The following TTLL6 variants were observed in gnomAD, a reference collection of about 807,000 sequenced individuals.
The protein encoded by TTLL6 is tubulin polyglutamylase TTLL6.
In TTLL6, 75 loss-of-function variants were observed where a neutral mutation model predicts 96.4. That is an observed-to-expected ratio of 0.78 (90% CI 0.65 to 0.94). TTLL6 has a LOEUF of 0.94. Ranked by LOEUF, TTLL6 falls within the 40% of genes least tolerant of loss-of-function variation. The probability of loss-of-function intolerance (pLI) is 0.00; values close to 1 mark genes in which losing one functional copy is unlikely to be tolerated. For missense variants in TTLL6, 1,030 were observed against 1,093.0 expected (o/e 0.94, Z 0.81); for synonymous variants, 411 against 419.4 (o/e 0.98, Z 0.24).
chr17:48,775,277 A>G (rs540931557), intron 13 of TTLL6, among the ~76,000 whole-genome samples: 1 of 152,162 alleles, frequency 6.6e-6, no homozygotes, highest in Admixed American at 6.5e-5. Context: ...AAAAAACACT[A>G]TAGACCAGTA....
intron 13 of TTLL6, among the ~76,000 whole-genome samples, chr17:48,777,231 T>G (rs547103123): frequency 6.6e-6 from 1 of 152,202 alleles, no homozygotes; most frequent in African/African-American, 2.4e-5. Flanking sequence ...TCATCTAACA[T>G]ACTTAAAAAT....
chr17:48,774,099 A>C (rs1290741173), intron 13 of TTLL6, among the ~76,000 whole-genome samples: 19 of 125,938 alleles, frequency 1.5e-4, no homozygotes, highest in Admixed American at 1.1e-3. Flanking sequence ...AACAAAACAA[A>C]AAAAAAAAAA....
At position 48,808,863 on chromosome 17, in the gene TTLL6, G is replaced by T. The variant is rs150000830; in HGVS notation, c.104-3872C>A. Reference sequence around the variant, plus strand: ...TGGGATTACAGGCGTAAGCCACCACGCCTGGCCCAAACTTGCTAATTCTAG... The same window carrying T: ...TGGGATTACAGGCGTAAGCCACCACTCCTGGCCCAAACTTGCTAATTCTAG... On this transcript the variant is annotated intron_variant, in intron 1 of 15. Transcript: ENST00000393382. Among the ~76,000 whole-genome samples, 1,286 of 152,234 alleles carry T rather than the reference G, an allele frequency of 8.4e-3. 26 individuals are homozygous for T. Among genetic ancestry groups the T allele is most frequent in the African/African-American group, 0.029 (1,219 of 41,548 alleles).
At position 48,778,854 on chromosome 17, in the gene TTLL6, C is replaced by T. The variant is rs142203204; in HGVS notation, c.2040+6069G>A. ...CTGAGGCAGGAGAATCGCTTGAACC[C>T]GGGAGGTAGAGGTTGCAGTGAGCTG... On this transcript the variant is annotated intron_variant, in intron 13 of 15. Coordinates refer to ENST00000393382, the MANE Select transcript of TTLL6 (RefSeq NM_001130918.3). 1.6e-3 allele frequency among the ~76,000 whole-genome samples: 234 copies of T among 149,832 alleles called. 3 individuals carry two copies. The South Asian group carries it at 0.021, about 14-fold the overall frequency.
intron 13 of TTLL6, among the ~76,000 whole-genome samples, chr17:48,778,328 G>A (rs1296240843): frequency 7.4e-6 from 1 of 135,270 alleles, no homozygotes; most frequent in Non-Finnish European, 1.6e-5. Context: ...AGAGAGGGAG[G>A]GAGGGAGAAA....
At chr17:48,814,339 A>AG (rs1050031967) in intron 1 of TTLL6, among the ~76,000 whole-genome samples, 5 of 151,558 alleles carry the variant, frequency 3.3e-5, no homozygotes, top group Admixed American at 1.3e-4. Flanking sequence ...AAAAAAAAAA[A>AG]AAGACTAAGA....
chr17:48,797,712 C>CG (rs1189929563), intron 6 of TTLL6, among the ~76,000 whole-genome samples: 1 of 148,118 alleles, frequency 6.8e-6, no homozygotes, highest in Non-Finnish European at 1.5e-5. Flanking sequence ...ACTTGAGCCC[C>CG]GGGGGGCAGA....
At chr17:48,766,503 T>C (rs2038609214) in intron 15 of TTLL6, among the ~76,000 whole-genome samples, 1 of 152,212 alleles carries the variant, frequency 6.6e-6, no homozygotes, top group African/African-American at 2.4e-5. Flanking sequence ...CTGATCATTA[T>C]TATTTCATTT....
At chr17:48,785,425 A>G in intron 12 of TTLL6, among the ~76,000 whole-genome samples, 1 of 152,038 alleles carries the variant, frequency 6.6e-6, no homozygotes, top group Non-Finnish European at 1.5e-5. Context: ...CAGTTTAAAA[A>G]CTGTGCATTG....
chr17:48,797,081 G>C lies in TTLL6; in HGVS notation c.892C>G (p.Arg298Gly). ...CTCACCAGGTTGTCTGTGCAAGGGC[G>C]GGAGTAAGAGGTCGTCGCAAAGCGG... is the stretch of plus-strand genomic sequence containing the variant. ...LARFATTSYS[R>G]PCTDNLDDIC... Residue 298 changes from arginine to glycine, a missense_variant, in exon 7 of 16, where the codon CGC (arginine) becomes GGC (glycine). Coordinates refer to ENST00000393382, the MANE Select transcript of TTLL6 (RefSeq NM_001130918.3). 1 of 1,551,428 alleles carries C rather than the reference G, an allele frequency of 6.4e-7. No individual in the cohort carries two copies. Among genetic ancestry groups the C allele is most frequent in the Non-Finnish European group, 8.7e-7 (1 of 1,146,932 alleles).
intron 2 of TTLL6, chr17:48,804,421 C>T (rs1276307627): frequency 4.0e-6 from 2 of 497,022 alleles, no homozygotes; most frequent in East Asian, 1.2e-4. Flanking sequence ...CCTGATAAGT[C>T]AGTATGGTGC....
At chr17:48,804,737 A>G in intron 2 of TTLL6, 35 bp downstream of exon 2, 1 of 1,536,460 alleles carries the variant, frequency 6.5e-7, no homozygotes, top group Non-Finnish European at 8.8e-7. Context: ...GTTATTACCA[A>G]CATGGCTCCC....
In TTLL6 at chr17:48,817,017, C is replaced by T; in HGVS notation, c.56G>A (p.Ser19Asn). 6.5e-7 allele frequency: 1 copy of T among 1,544,644 alleles called. No homozygotes were observed. The highest frequency in any genetic ancestry group is 2.5e-5 in the East Asian group (1 of 40,426). ...TCGCCCCGCTGGGCTGCTAGTCCAG[C>T]TTGCAACCACACCTGCCGGCCCCCT... ...SRRGPAGVVA[S>N]WTSSPAGRDG... Residue 19 changes from serine (S) to asparagine (N), a missense_variant, in exon 1 of 16, where the codon AGC (serine) becomes AAC (asparagine). Transcript: ENST00000393382.
intron 5 of TTLL6, among the ~76,000 whole-genome samples, chr17:48,800,682 C>T (rs547492642): frequency 6.6e-6 from 1 of 152,148 alleles, no homozygotes; most frequent in East Asian, 1.9e-4. Flanking sequence ...ACCCCTCTGC[C>T]CTGTCTCAGC....
intron 13 of TTLL6, among the ~76,000 whole-genome samples, chr17:48,771,618 C>T (rs986820448): frequency 4.6e-5 from 7 of 151,598 alleles, no homozygotes; most frequent in Non-Finnish European, 1.0e-4. Flanking sequence ...GGCGACAGAG[C>T]AAGACCCTGA....
Position 48,801,394 on chromosome 17 carries a change from G to A in TTLL6, c.481-9C>T. On this transcript the variant is annotated splice_polypyrimidine_tract_variant and intron_variant, in intron 4 of 15. Coordinates refer to ENST00000393382, the MANE Select transcript of TTLL6 (RefSeq NM_001130918.3). ...GGGAAGTGATTGATCTTCTGGAAGGGAAGCCGGAATTCATGAGCAATCGAG... is the reference window on the plus strand; with the variant it reads ...GGGAAGTGATTGATCTTCTGGAAGGAAAGCCGGAATTCATGAGCAATCGAG... The A allele has an allele frequency of 1.3e-6, 2 of 1,551,634 alleles. No homozygotes were observed. Among genetic ancestry groups the A allele is most frequent in the Non-Finnish European group, 8.7e-7 (1 of 1,146,960 alleles).
chr17:48,785,267 C>T, intron 12 of TTLL6, 66 bp from the exon 13 acceptor site: 1 of 1,604,240 alleles, frequency 6.2e-7, no homozygotes, highest in Middle Eastern at 1.7e-4. Flanking sequence ...CCAGATTCAT[C>T]TGCACCCAGG....
At chr17:48,795,923 G>T in intron 8 of TTLL6, 138 bp downstream of exon 8, 1 of 637,966 alleles carries the variant, frequency 1.6e-6, no homozygotes. Flanking sequence ...TCTGGGTTGC[G>T]AGGCAAAGGA....
At chr17:48,763,822 A>G (rs2038536670) in intron 15 of TTLL6, among the ~76,000 whole-genome samples, 3 of 151,696 alleles carry the variant, frequency 2.0e-5, no homozygotes, top group Non-Finnish European at 4.4e-5. Flanking sequence ...AAACAAACAA[A>G]CAAACAAAAA....
Sources: gnomAD v4.1 joint callset for allele counts (sites outside exome capture counted in the v4.1 genomes callset) on GRCh38, gnomAD v4.1.1 for gene constraint, MANE v1.5 for transcripts, NCBI Gene and HGNC (gene_info 2026-07-23, HGNC 2026-07-21) for gene names.